REDIC1: variants seen among roughly 807,000 people sequenced by gnomAD.
The protein encoded by REDIC1 is HEI10 Interacting Protein 1.
At chr12:39,628,311 C>T in the REDIC1 span, among the ~76,000 whole-genome samples, 1 of 151,984 alleles carries the variant, frequency 6.6e-6, no homozygotes. Context: ...AAATGGGTGT[C>T]TCCATTTTCT....
the REDIC1 span, among the ~76,000 whole-genome samples, chr12:39,761,631 C>CA: frequency 2.7e-5 from 4 of 150,310 alleles, no homozygotes; most frequent in Non-Finnish European, 4.4e-5. Flanking sequence ...GGAATTTTGA[C>CA]AAAAAAAAAA....
chr12:39,730,882 A>G, the REDIC1 span, among the ~76,000 whole-genome samples: 2 of 151,990 alleles, frequency 1.3e-5, no homozygotes, highest in Admixed American at 1.3e-4. Context: ...TCTTGTCTTC[A>G]TGCTTTATTT....
the REDIC1 span, among the ~76,000 whole-genome samples, chr12:39,709,392 T>G: frequency 6.6e-6 from 1 of 151,684 alleles, no homozygotes; most frequent in Non-Finnish European, 1.5e-5. Context: ...AACATAAAAT[T>G]TATCCTCTCA....
At chr12:39,846,518 C>G in the REDIC1 span, among the ~76,000 whole-genome samples, 1 of 152,172 alleles carries the variant, frequency 6.6e-6, no homozygotes, top group Non-Finnish European at 1.5e-5. Flanking sequence ...GTGGTGCAAT[C>G]TCAGGTTACT....
the REDIC1 span, among the ~76,000 whole-genome samples, chr12:39,803,795 G>A: frequency 2.6e-5 from 4 of 152,288 alleles, 1 homozygote; most frequent in Admixed American, 2.6e-4. Flanking sequence ...GGACAGAAGA[G>A]AGATAATATG....
chr12:39,778,852 T>C, the REDIC1 span, among the ~76,000 whole-genome samples: 14 of 152,146 alleles, frequency 9.2e-5, no homozygotes, highest in African/African-American at 3.1e-4. Context: ...TATAGGGGTA[T>C]AGGAGGAGTT....
chr12:39,699,298 G>C, the REDIC1 span, among the ~76,000 whole-genome samples: 3 of 152,184 alleles, frequency 2.0e-5, no homozygotes, highest in Non-Finnish European at 4.4e-5. Flanking sequence ...GAAGCGAAAG[G>C]GGTCAGGGAG....
At chr12:39,758,019 TATTAG>T in the REDIC1 span, 1 of 151,820 alleles carries the variant, frequency 6.6e-6, no homozygotes, top group African/African-American at 2.4e-5. Context: ...CTGTGTAAAA[TATTAG>T]ATAAGAAATT....
chr12:39,847,552 G>T, the REDIC1 span, among the ~76,000 whole-genome samples: 1 of 152,032 alleles, frequency 6.6e-6, no homozygotes, highest in South Asian at 2.1e-4. Flanking sequence ...TATGCTGGTA[G>T]AACTCCTGCA....
chr12:39,901,905 C>A, the REDIC1 span, among the ~76,000 whole-genome samples: 124 of 151,734 alleles, frequency 8.2e-4, no homozygotes, highest in South Asian at 0.017. Flanking sequence ...ATGTTTATTG[C>A]GGCATTATTC....
At chr12:39,719,703 GT>G in the REDIC1 span, among the ~76,000 whole-genome samples, 2 of 152,092 alleles carry the variant, frequency 1.3e-5, no homozygotes, top group Non-Finnish European at 2.9e-5. Flanking sequence ...CTCTGAAAGA[GT>G]ATAACTCAAA....
the REDIC1 span, among the ~76,000 whole-genome samples, chr12:39,871,525 G>C: frequency 6.6e-6 from 1 of 151,424 alleles, no homozygotes; most frequent in Non-Finnish European, 1.5e-5. Flanking sequence ...TTGTACCTTT[G>C]AGTGGAACTC....
chr12:39,644,128 A>G, the REDIC1 span, among the ~76,000 whole-genome samples: 2 of 151,836 alleles, frequency 1.3e-5, no homozygotes, highest in African/African-American at 2.4e-5. Flanking sequence ...TATGTGTTAT[A>G]TAAAATTAAT....
chr12:39,865,048 T>C, the REDIC1 span, among the ~76,000 whole-genome samples: 2 of 152,156 alleles, frequency 1.3e-5, no homozygotes, highest in Admixed American at 6.5e-5. Flanking sequence ...TCCCAATGTA[T>C]AAACAAATTA....
At chr12:39,806,284 G>C in the REDIC1 span, among the ~76,000 whole-genome samples, 1 of 152,116 alleles carries the variant, frequency 6.6e-6, no homozygotes, top group African/African-American at 2.4e-5. Context: ...GGGAATGAAG[G>C]ATATGTCAGA....
At chr12:39,732,792 G>A in the REDIC1 span, among the ~76,000 whole-genome samples, 1 of 152,036 alleles carries the variant, frequency 6.6e-6, no homozygotes, top group Admixed American at 6.6e-5. Flanking sequence ...AACTCAAAAT[G>A]CCCATATTTG....
the REDIC1 span, among the ~76,000 whole-genome samples, chr12:39,780,282 T>C: frequency 6.6e-6 from 1 of 152,206 alleles, no homozygotes; most frequent in Non-Finnish European, 1.5e-5. Flanking sequence ...TCTCTGTCTC[T>C]TTCTCCTTCA....
chr12:39,760,149 G>C, the REDIC1 span: 1 of 1,612,912 alleles, frequency 6.2e-7, no homozygotes, highest in Non-Finnish European at 8.5e-7. Context: ...TGTTGTCAAA[G>C]AGTGATTCAA....
the REDIC1 span, among the ~76,000 whole-genome samples, chr12:39,729,353 A>T: frequency 6.6e-6 from 1 of 151,908 alleles, no homozygotes; most frequent in Non-Finnish European, 1.5e-5. Flanking sequence ...ATTCTGATAT[A>T]TTGTGTCTTT....
Sources: gnomAD v4.1 joint callset for allele counts (sites outside exome capture counted in the v4.1 genomes callset) on GRCh38, gnomAD v4.1.1 for gene constraint, MANE v1.5 for transcripts, NCBI Gene and HGNC (gene_info 2026-07-23, HGNC 2026-07-21) for gene names.